Variants in MED12L observed in about 807,000 individuals in gnomAD.
The protein encoded by MED12L is mediator complex subunit 12L.
MED12L carries 60 observed loss-of-function variants against 281.3 expected under a neutral mutation model. The ratio of observed to expected loss-of-function variants is 0.21; its 90% CI spans 0.17 to 0.26. The LOEUF (loss-of-function observed/expected upper bound fraction) is 0.26. Among genes scored for constraint, MED12L ranks in the 10% least tolerant of loss-of-function variants. The pLI, the probability that MED12L is intolerant of heterozygous loss-of-function variation, is 1.00. For synonymous variants in MED12L, 974 were observed against 987.2 expected (o/e 0.99, Z 0.25); for missense variants, 2,146 against 2,680.9 (o/e 0.80, Z 4.41).
intron 16 of MED12L, chr3:151,294,084 A>G: frequency 1.2e-6 from 1 of 863,018 alleles, no homozygotes; most frequent in Non-Finnish European, 1.8e-6. Flanking sequence ...TTGAATTCAT[A>G]TTTTTGATGG....
chr3:151,258,156 A>G (rs749583972), intron 16 of MED12L, among the ~76,000 whole-genome samples: 1 of 152,184 alleles, frequency 6.6e-6, no homozygotes, highest in African/African-American at 2.4e-5. Flanking sequence ...CCACAGGCCC[A>G]AAGTGGGAGT....
intron 10 of MED12L, 127 bp from the exon 11 acceptor site, chr3:151,165,719 A>G (rs756369546): frequency 5.6e-6 from 6 of 1,079,488 alleles, no homozygotes; most frequent in Non-Finnish European, 8.2e-6. Flanking sequence ...TGATTGTTTG[A>G]TAACATATGC....
chr3:151,372,973 A>C (rs894491490), intron 27 of MED12L, among the ~76,000 whole-genome samples: 1 of 152,088 alleles, frequency 6.6e-6, no homozygotes, highest in East Asian at 1.9e-4. Flanking sequence ...TAATTTTTAC[A>C]TTTTGCTACA....
chr3:151,141,679 T>A (rs1717056207), intron 5 of MED12L, among the ~76,000 whole-genome samples: 2 of 152,208 alleles, frequency 1.3e-5, no homozygotes, highest in Non-Finnish European at 2.9e-5. Context: ...TTACTCTGTT[T>A]TTTGGATCTT....
At chr3:151,150,869 C>T (rs946792014) in intron 5 of MED12L, among the ~76,000 whole-genome samples, 1 of 152,108 alleles carries the variant, frequency 6.6e-6, no homozygotes, top group Non-Finnish European at 1.5e-5. Context: ...CTCTCTTAGC[C>T]TTCATAGAAT....
chr3:151,334,327 A>G (rs9877389), intron 16 of MED12L, among the ~76,000 whole-genome samples: 131,117 of 150,414 alleles, frequency 0.87, 57,337 homozygotes, highest in Middle Eastern at 0.95. Context: ...GTTCCCACTG[A>G]CAGTATTGTA....
chr3:151,112,733 C>A (rs2148716782), intron 2 of MED12L, among the ~76,000 whole-genome samples: 1 of 152,198 alleles, frequency 6.6e-6, no homozygotes, highest in Non-Finnish European at 1.5e-5. Flanking sequence ...TGTTTGTTTT[C>A]AGGATGGTGT....
At chr3:151,106,403 G>T (rs1042001989) in intron 2 of MED12L, among the ~76,000 whole-genome samples, 9 of 135,188 alleles carry the variant, frequency 6.7e-5, no homozygotes, top group African/African-American at 2.5e-4. Context: ...GAAATTCCTG[G>T]TCTCAAGCAG....
At chr3:151,307,956 T>C (rs762616906) in intron 16 of MED12L, among the ~76,000 whole-genome samples, 1 of 152,188 alleles carries the variant, frequency 6.6e-6, no homozygotes, top group Non-Finnish European at 1.5e-5. Flanking sequence ...TCTGTGACCC[T>C]GTTAAGCATT....
chr3:151,380,091 G>GAAA, intron 31 of MED12L, 22 bp from the exon 32 acceptor site: 1 of 1,416,784 alleles, frequency 7.1e-7, no homozygotes, highest in Non-Finnish European at 9.8e-7. Context: ...TAGATCTGTT[G>GAAA]TTATTATTAC....
rs144300815 is a variant in MED12L at position 151,147,884 on chromosome 3, G to A, written c.557-8277G>A. On this transcript the variant is annotated intron_variant, in intron 5 of 44. Transcript: ENST00000687756. ...TAGATATACAGGCTAGTTCTCCTGG[G>A]TATGTATAACTTACTGGATTATGTG... 5.4e-3 allele frequency among the ~76,000 whole-genome samples: 818 copies of A among 152,302 alleles called. 11 individuals are homozygous for A. Among genetic ancestry groups the A allele is most frequent in the African/African-American group, 0.019 (787 of 41,568 alleles).
intron 16 of MED12L, among the ~76,000 whole-genome samples, chr3:151,275,410 T>A (rs1454587332): frequency 6.6e-6 from 1 of 152,156 alleles, no homozygotes; most frequent in Non-Finnish European, 1.5e-5. Context: ...TCTAAGGCCT[T>A]TGATGCTTTT....
intron 5 of MED12L, among the ~76,000 whole-genome samples, chr3:151,128,409 T>G (rs997145674): frequency 2.0e-5 from 3 of 152,216 alleles, no homozygotes; most frequent in African/African-American, 7.2e-5. Flanking sequence ...TGCAGCAATT[T>G]TTTATTACAG....
chr3:151,109,759 T>C (rs1039140296), intron 2 of MED12L, among the ~76,000 whole-genome samples: 27 of 152,252 alleles, frequency 1.8e-4, no homozygotes, highest in African/African-American at 6.5e-4. Flanking sequence ...TCATGGTCTC[T>C]TCTGCTTCCC....
At chr3:151,270,196 CGT>C (rs55920434) in intron 16 of MED12L, 1,328 of 129,682 alleles carry the variant, frequency 0.01, 23 homozygotes, top group South Asian at 0.029. Flanking sequence ...AGCAAGCTGT[CGT>C]GTGTGTGTGT....
At chr3:151,317,261 C>T (rs1345294988) in intron 16 of MED12L, among the ~76,000 whole-genome samples, 1 of 151,184 alleles carries the variant, frequency 6.6e-6, no homozygotes. Flanking sequence ...CATATTTTTA[C>T]ACATACACAA....
intron 2 of MED12L, among the ~76,000 whole-genome samples, chr3:151,095,437 A>T (rs980843248): frequency 6.6e-6 from 1 of 152,098 alleles, no homozygotes; most frequent in Non-Finnish European, 1.5e-5. Context: ...TCCCAGTTTC[A>T]AGCTATTCTC....
intron 39 of MED12L, among the ~76,000 whole-genome samples, chr3:151,395,996 A>G (rs1714916263): frequency 6.6e-6 from 1 of 152,206 alleles, no homozygotes; most frequent in African/African-American, 2.4e-5. Context: ...ATTGAACTGT[A>G]TGATGACGCA....
intron 16 of MED12L, among the ~76,000 whole-genome samples, chr3:151,208,890 C>A (rs1385423751): frequency 6.6e-6 from 1 of 151,946 alleles, no homozygotes; most frequent in African/African-American, 2.4e-5. Context: ...GTATGGGCTT[C>A]CCTTGCCATG....
Sources: allele counts gnomAD v4.1 joint callset (sites outside exome capture counted in the v4.1 genomes callset), GRCh38; gene constraint gnomAD v4.1.1; transcripts MANE v1.5; gene names NCBI Gene and HGNC (gene_info 2026-07-23, HGNC 2026-07-21).